The following SEMA5B variants were observed in gnomAD, a reference collection of about 807,000 sequenced individuals.
SEMA5B encodes the protein semaphorin 5B.
Under a neutral mutation model 135.0 loss-of-function variants are expected in SEMA5B, and 66 were observed. The ratio of observed to expected loss-of-function variants is 0.49; its 90% CI spans 0.40 to 0.60. The LOEUF (loss-of-function observed/expected upper bound fraction) is 0.60. Among genes scored for constraint, SEMA5B ranks in the 20% least tolerant of loss-of-function variants. The pLI is 0.00. For missense variants in SEMA5B, 1,501 were observed against 1,566.3 expected (o/e 0.96, Z 0.70); for synonymous variants, 690 against 639.5 (o/e 1.08, Z -1.19).
At chr3:122,935,686 C>CTTTCTTTTTTTTTTTT (rs1939233868) in intron 5 of SEMA5B, among the ~76,000 whole-genome samples, 6 of 70,260 alleles carry the variant, frequency 8.5e-5, no homozygotes, top group Non-Finnish European at 1.1e-4. Flanking sequence ...TTCTTTCTTT[C>CTTTCTTTTTTTTTTTT]TTTTTTTTTT....
At position 122,948,658 on chromosome 3, in the gene SEMA5B, A is replaced by G; in HGVS notation, c.176T>C (p.Met59Thr). The G allele has an allele frequency of 6.2e-7, 1 of 1,613,350 alleles. No individual in the cohort carries two copies. The highest frequency in any genetic ancestry group is 8.5e-7 in the Non-Finnish European group (1 of 1,179,598). ...PGARTAEGPI[M>T]VLAGPLAVSL... is the part of the protein sequence containing the mutation. Reference sequence around the variant, plus strand: ...GACAGCCAGGGGGCCTGCAAGCACCATGATAGGCCCCTCTGCAGTCCTAGC... The same window carrying G: ...GACAGCCAGGGGGCCTGCAAGCACCGTGATAGGCCCCTCTGCAGTCCTAGC... The change falls in exon 3 of 23, where the codon ATG becomes ACG. Residue 59 changes from methionine to threonine, a missense_variant. Met to Thr is a moderately conservative substitution (Grantham distance 81). Transcript: ENST00000357599.
intron 4 of SEMA5B, 152 bp downstream of exon 4, chr3:122,943,284 T>TG (rs1451911792): frequency 3.1e-5 from 18 of 578,134 alleles, no homozygotes; most frequent in Middle Eastern, 3.1e-4. Flanking sequence ...CTTCCTCCTG[T>TG]GGGGGGACAG....
At chr3:122,911,283 C>A (rs963231588) in intron 21 of SEMA5B, 1 of 1,420,560 alleles carries the variant, frequency 7.0e-7, no homozygotes, top group Admixed American at 2.2e-5. Context: ...TCAGATGACT[C>A]TTCCTTGGGT....
chr3:122,910,219 T>C lies in SEMA5B; in HGVS notation c.3380A>G (p.Tyr1127Cys). ...LQQTNVYTTTYYPSPLNKHSF... is the reference protein window; with the variant it reads ...LQQTNVYTTTCYPSPLNKHSF... ...GTGTTTGTTCAGGGGGCTTGGGTAGTAAGTAGTCGTGTACACATTGGTCTG... is the reference window on the plus strand; with the variant it reads ...GTGTTTGTTCAGGGGGCTTGGGTAGCAAGTAGTCGTGTACACATTGGTCTG... Residue 1127 changes from tyrosine to cysteine, a missense_variant, in exon 23 of 23, where the codon TAC becomes TGC. Physicochemically the swap from Tyr to Cys is radical, Grantham distance 194. This residue lies in a region of SEMA5B where 927 missense variants were observed against 881.6 expected (regional missense o/e 1.05). Coordinates refer to ENST00000357599, the MANE Select transcript of SEMA5B (RefSeq NM_001031702.4). 1.2e-6 allele frequency: 2 copies of C among 1,614,184 alleles called. No individual in the cohort carries two copies. The highest frequency in any genetic ancestry group is 1.7e-6 in the Non-Finnish European group (2 of 1,180,024).
intron 12 of SEMA5B, among the ~76,000 whole-genome samples, chr3:122,921,129 G>C (rs1185344891): frequency 1.3e-5 from 2 of 152,172 alleles, no homozygotes; most frequent in Non-Finnish European, 2.9e-5. Context: ...CCAATCTTGA[G>C]GACAGATGGC....
intron 3 of SEMA5B, among the ~76,000 whole-genome samples, chr3:122,946,875 G>C (rs1027076903): frequency 6.6e-6 from 1 of 152,110 alleles, no homozygotes; most frequent in African/African-American, 2.4e-5. Flanking sequence ...CGAGAAGTCA[G>C]ATTCATTCAA....
chr3:123,002,407 A>G (rs981620316), intron 1 of SEMA5B, among the ~76,000 whole-genome samples: 1 of 152,242 alleles, frequency 6.6e-6, no homozygotes, highest in Non-Finnish European at 1.5e-5. Flanking sequence ...TCACCGTTCT[A>G]AGTAAGAAAC....
intron 1 of SEMA5B, among the ~76,000 whole-genome samples, chr3:122,980,583 T>C (rs1185911389): frequency 6.6e-6 from 1 of 152,232 alleles, no homozygotes; most frequent in Non-Finnish European, 1.5e-5. Context: ...CCAATCATTC[T>C]GGCCAGCCGT....
chr3:122,948,864 AG>A (rs1939923200), intron 2 of SEMA5B, among the ~76,000 whole-genome samples, 155 bp from the exon 3 acceptor site: 1 of 152,236 alleles, frequency 6.6e-6, no homozygotes, highest in Non-Finnish European at 1.5e-5. Context: ...GTAAATGCGA[AG>A]ATATAGATCA....
chr3:123,003,723 AC>A (rs1942237753), intron 1 of SEMA5B, among the ~76,000 whole-genome samples: 1 of 152,178 alleles, frequency 6.6e-6, no homozygotes, highest in Non-Finnish European at 1.5e-5. Flanking sequence ...AATGCCAGCC[AC>A]TCAGGAGGCT....
chr3:123,019,789 T>C lies in SEMA5B; in HGVS notation c.-39+7675A>G, dbSNP rs184465996. Among the ~76,000 whole-genome samples the C allele has an allele frequency of 3.5e-3, 531 of 151,778 alleles. 5 individuals carry two copies. The highest frequency in any genetic ancestry group is 0.012 in the African/African-American group (506 of 41,340). The stretch of plus-strand genomic sequence containing the variant: ...TACGAAGATGAAAGGGCTGAGCAGG[T>C]GAAAGGAAAAACAAGGATGCTGGAG... On this transcript the variant is annotated intron_variant, in intron 1 of 22. Transcript: ENST00000357599.
chr3:122,942,580 A>G (rs934364293), intron 4 of SEMA5B, among the ~76,000 whole-genome samples: 1 of 152,168 alleles, frequency 6.6e-6, no homozygotes, highest in Non-Finnish European at 1.5e-5. Flanking sequence ...TCATCATGCT[A>G]TGTGATGCTG....
At chr3:122,919,976 C>T (rs887490105) in intron 12 of SEMA5B, among the ~76,000 whole-genome samples, 9 of 152,162 alleles carry the variant, frequency 5.9e-5, no homozygotes, top group African/African-American at 1.9e-4. Context: ...TGGAGCTGAA[C>T]ATCCCAGCCC....
At chr3:122,964,024 T>C (rs1305890652) in intron 1 of SEMA5B, among the ~76,000 whole-genome samples, 1 of 152,110 alleles carries the variant, frequency 6.6e-6, no homozygotes, top group African/African-American at 2.4e-5. Flanking sequence ...TTGCCAGCCC[T>C]TCTCTTCCGG....
intron 1 of SEMA5B, among the ~76,000 whole-genome samples, chr3:123,006,397 T>C (rs560564940): frequency 5.9e-5 from 9 of 152,338 alleles, no homozygotes; most frequent in East Asian, 1.9e-4. Flanking sequence ...ACACCACTGA[T>C]TAGTTACTTT....
rs560571595 is a variant in SEMA5B at position 123,019,338 on chromosome 3, G to A, written c.-39+8126C>T. On this transcript the variant is annotated intron_variant, in intron 1 of 22. Transcript: ENST00000357599. ...GGGCCGGGCACAGTAGCTCATGCTTGTAATTCCAGCACTTTGGGAGGCCAA... is the reference window on the plus strand; with the variant it reads ...GGGCCGGGCACAGTAGCTCATGCTTATAATTCCAGCACTTTGGGAGGCCAA... Among the ~76,000 whole-genome samples the A allele has an allele frequency of 2.0e-5, 3 of 152,316 alleles. No individual in the cohort carries two copies. In the East Asian group the frequency reaches 5.8e-4, roughly 29 times the overall value.
At chr3:123,004,073 A>G (rs988890906) in intron 1 of SEMA5B, among the ~76,000 whole-genome samples, 13 of 152,164 alleles carry the variant, frequency 8.5e-5, no homozygotes, top group African/African-American at 2.9e-4. Flanking sequence ...TGCTAAAGCT[A>G]AACAGCATAC....
At chr3:122,931,317 C>G (rs150089282) in intron 5 of SEMA5B, among the ~76,000 whole-genome samples, 1 of 151,978 alleles carries the variant, frequency 6.6e-6, no homozygotes, top group Admixed American at 6.6e-5. Flanking sequence ...CGTTCTTCCC[C>G]GCACCAAAGC....
At chr3:122,961,111 G>GC (rs776435218) in intron 2 of SEMA5B, 29 bp downstream of exon 2, 5 of 1,577,578 alleles carry the variant, frequency 3.2e-6, no homozygotes, top group Non-Finnish European at 1.7e-6. Context: ...ACCTGCTGCA[G>GC]CCCCCCACAC....
Sources: gnomAD v4.1 joint callset for allele counts (sites outside exome capture counted in the v4.1 genomes callset) on GRCh38, gnomAD v4.1.1 for gene constraint, gnomAD v4.1.1 regional missense constraint, MANE v1.5 for transcripts, NCBI Gene and HGNC (gene_info 2026-07-23, HGNC 2026-07-21) for gene names.